The following CNTN5 variants were observed in gnomAD, a reference collection of about 807,000 sequenced individuals.
CNTN5 encodes contactin-5.
CNTN5 carries 77 observed loss-of-function variants against 129.1 expected under a neutral mutation model. That is an observed-to-expected ratio of 0.60 (90% confidence interval 0.50 to 0.72). The LOEUF (loss-of-function observed/expected upper bound fraction) is 0.72, where lower values mean the gene tolerates loss of function less well. Ranked by LOEUF, CNTN5 falls within the 30% of genes least tolerant of loss-of-function variation. The probability of loss-of-function intolerance (pLI) is 0.00; values close to 1 mark genes in which losing one functional copy is unlikely to be tolerated. For missense variants in CNTN5, 1,478 were observed against 1,328.8 expected (o/e 1.11, Z -1.75); for synonymous variants, 509 against 465.6 (o/e 1.09, Z -1.20).
At chr11:99,713,849 A>G (rs928058508) in intron 3 of CNTN5, among the ~76,000 whole-genome samples, 3 of 151,978 alleles carry the variant, frequency 2.0e-5, no homozygotes, top group Admixed American at 6.6e-5. Flanking sequence ...GTATGTTATA[A>G]AGGAACAAAA....
chr11:99,210,525 T>C (rs1443918103), intron 1 of CNTN5, among the ~76,000 whole-genome samples: 1 of 152,094 alleles, frequency 6.6e-6, no homozygotes, highest in African/African-American at 2.4e-5. Context: ...ATGTTAGAGA[T>C]TGGGAAGTAA....
intron 1 of CNTN5, among the ~76,000 whole-genome samples, chr11:99,121,278 G>C (rs1231496684): frequency 6.6e-6 from 1 of 151,946 alleles, no homozygotes; most frequent in Non-Finnish European, 1.5e-5. Context: ...GGGATTACAG[G>C]CACTCACCAC....
chr11:99,846,831 T>C (rs922456875), intron 6 of CNTN5, among the ~76,000 whole-genome samples: 1 of 152,036 alleles, frequency 6.6e-6, no homozygotes, highest in African/African-American at 2.4e-5. Flanking sequence ...AATGTAAATA[T>C]CATATTTTAA....
chr11:100,265,009 T>C (rs757245887), intron 17 of CNTN5, among the ~76,000 whole-genome samples: 61 of 152,126 alleles, frequency 4.0e-4, no homozygotes, highest in Non-Finnish European at 7.2e-4. Context: ...TTTTTATATG[T>C]TTGTTGGCCA....
At chr11:100,126,988 T>C (rs1286697044) in intron 13 of CNTN5, among the ~76,000 whole-genome samples, 1 of 151,802 alleles carries the variant, frequency 6.6e-6, no homozygotes, top group Non-Finnish European at 1.5e-5. Context: ...GGCATGATCA[T>C]AGGTTATTGC....
chr11:99,731,512 A>T (rs556904598), intron 3 of CNTN5, among the ~76,000 whole-genome samples: 19 of 152,272 alleles, frequency 1.2e-4, no homozygotes, highest in Non-Finnish European at 2.4e-4. Context: ...TTACCCTTAA[A>T]TTAAGCCCTT....
intron 17 of CNTN5, among the ~76,000 whole-genome samples, 196 bp from the exon 18 acceptor site, chr11:100,270,896 T>A (rs1348916079): frequency 1.3e-5 from 2 of 152,186 alleles, no homozygotes; most frequent in African/African-American, 4.8e-5. Context: ...CAACAAACTT[T>A]GACATATGTA....
intron 9 of CNTN5, among the ~76,000 whole-genome samples, chr11:100,019,114 C>T (rs560976063): frequency 6.6e-6 from 1 of 151,866 alleles, no homozygotes; most frequent in African/African-American, 2.4e-5. Flanking sequence ...TATTGCCTTA[C>T]TAGTGTGTCT....
intron 2 of CNTN5, among the ~76,000 whole-genome samples, chr11:99,421,458 C>A (rs148619000): frequency 2.6e-4 from 40 of 152,268 alleles, no homozygotes; most frequent in Admixed American, 7.2e-4. Context: ...GGATTAAAAT[C>A]ATTTGCTCTT....
intron 7 of CNTN5, among the ~76,000 whole-genome samples, chr11:99,952,694 G>C (rs1342207882): frequency 1.3e-5 from 2 of 151,840 alleles, no homozygotes; most frequent in Admixed American, 6.6e-5. Context: ...GCTGTGCCTG[G>C]ACAAAAGTTA....
At chr11:99,343,689 T>C (rs1003267582) in intron 2 of CNTN5, among the ~76,000 whole-genome samples, 3 of 152,154 alleles carry the variant, frequency 2.0e-5, no homozygotes, top group Non-Finnish European at 4.4e-5. Context: ...TCAAGGAGCA[T>C]TTTTGAAAAA....
chr11:100,072,649 A>C (rs1364038731), intron 12 of CNTN5, among the ~76,000 whole-genome samples: 1 of 152,206 alleles, frequency 6.6e-6, no homozygotes, highest in Admixed American at 6.5e-5. Flanking sequence ...ACTTAAGAGA[A>C]ACACCAAAGA....
intron 6 of CNTN5, among the ~76,000 whole-genome samples, chr11:99,845,555 G>A (rs1947663749): frequency 6.6e-6 from 1 of 151,586 alleles, no homozygotes; most frequent in Non-Finnish European, 1.5e-5. Context: ...TGTATTTTTA[G>A]TAGAGACGGG....
At chr11:99,918,022 T>A (rs1949838795) in intron 7 of CNTN5, among the ~76,000 whole-genome samples, 1 of 152,120 alleles carries the variant, frequency 6.6e-6, no homozygotes, top group African/African-American at 2.4e-5. Flanking sequence ...ACAAGCTTCT[T>A]ATTTTCTGAA....
intron 3 of CNTN5, among the ~76,000 whole-genome samples, chr11:99,790,851 T>C (rs904242487): frequency 5.9e-5 from 9 of 152,170 alleles, no homozygotes; most frequent in African/African-American, 1.9e-4. Context: ...GACATTTTAT[T>C]AATTGCCATT....
At chr11:99,671,121 T>C (rs1163263994) in intron 3 of CNTN5, among the ~76,000 whole-genome samples, 2 of 149,914 alleles carry the variant, frequency 1.3e-5, no homozygotes, top group African/African-American at 4.9e-5. Flanking sequence ...TCTTGCTCTC[T>C]CTCTCTTGGC....
chr11:100,277,174 A>G (rs530812348), intron 18 of CNTN5, among the ~76,000 whole-genome samples: 2 of 152,320 alleles, frequency 1.3e-5, no homozygotes, highest in Non-Finnish European at 2.9e-5. Context: ...GTATGGCTCA[A>G]TAATACTACG....
chr11:99,600,900 A>C (rs1950292532), intron 3 of CNTN5, among the ~76,000 whole-genome samples: 1 of 152,138 alleles, frequency 6.6e-6, no homozygotes, highest in African/African-American at 2.4e-5. Flanking sequence ...ATTTCTAAGC[A>C]TCTCTTCACT....
At chr11:99,444,899 G>C (rs1436573532) in intron 2 of CNTN5, among the ~76,000 whole-genome samples, 1 of 151,588 alleles carries the variant, frequency 6.6e-6, no homozygotes, top group Non-Finnish European at 1.5e-5. Context: ...AGTTAATACA[G>C]TTTTTGTTTT....
Sources: gnomAD v4.1 joint callset for allele counts (sites outside exome capture counted in the v4.1 genomes callset) on GRCh38, gnomAD v4.1.1 for gene constraint, MANE v1.5 for transcripts, NCBI Gene and HGNC (gene_info 2026-07-23, HGNC 2026-07-21) for gene names.